The following SLC24A2 variants were observed in gnomAD, a reference collection of about 807,000 sequenced individuals.
SLC24A2 encodes sodium/potassium/calcium exchanger 2.
A neutral mutation model predicts 62.0 loss-of-function variants in SLC24A2; 36 were observed. The ratio of observed to expected loss-of-function variants is 0.58; its 90% CI spans 0.44 to 0.77. The LOEUF (loss-of-function observed/expected upper bound fraction) is 0.77, where lower values mean the gene tolerates loss of function less well. Among genes scored for constraint, SLC24A2 ranks in the 30% least tolerant of loss-of-function variants. The pLI, the probability that SLC24A2 is intolerant of heterozygous loss-of-function variation, is 0.00. For synonymous variants in SLC24A2, 358 were observed against 294.0 expected (o/e 1.22, Z -2.23); for missense variants, 846 against 817.9 (o/e 1.03, Z -0.42).
chr9:20,267,273 C>A, the SLC24A2 span, among the ~76,000 whole-genome samples: 1 of 152,088 alleles, frequency 6.6e-6, no homozygotes, highest in Non-Finnish European at 1.5e-5. Flanking sequence ...TTCACAATAA[C>A]CATCACCATC....
rs963370508 is a variant in SLC24A2, at chr9:19,510,549, C to G, written c.*5604G>C. On this transcript the variant is annotated 3_prime_UTR_variant, in exon 11 of 11. Coordinates refer to ENST00000341998, the MANE Select transcript of SLC24A2 (RefSeq NM_020344.4). ...TTGTTAATCATTGAGCTGGGTCACACCAGCATCTATGCTGGGATCTCCCCC... is the reference window on the plus strand; with the variant it reads ...TTGTTAATCATTGAGCTGGGTCACAGCAGCATCTATGCTGGGATCTCCCCC... The G allele has an allele frequency of 6.6e-6, 1 of 151,978 alleles. No homozygotes were observed. The highest frequency in any genetic ancestry group is 6.6e-5 in the Admixed American group (1 of 15,256). 9.4% of individuals were successfully genotyped at this position (151,978 alleles called of 1,614,324 possible).
intron 2 of SLC24A2, among the ~76,000 whole-genome samples, chr9:19,644,276 T>C (rs916170792): frequency 6.6e-6 from 1 of 152,224 alleles, no homozygotes; most frequent in African/African-American, 2.4e-5. Flanking sequence ...GACAGTCCAA[T>C]TCATGTGAAT....
chr9:19,593,714 C>T (rs946083114), intron 5 of SLC24A2, among the ~76,000 whole-genome samples: 4 of 152,064 alleles, frequency 2.6e-5, no homozygotes, highest in Non-Finnish European at 1.5e-5. Flanking sequence ...CTGTTCCACT[C>T]CCCATCTTGT....
At chr9:20,202,093 G>GTGTGTT in the SLC24A2 span, among the ~76,000 whole-genome samples, 1 of 146,380 alleles carries the variant, frequency 6.8e-6, no homozygotes, top group East Asian at 2.0e-4. Flanking sequence ...GTGTGTGTGT[G>GTGTGTT]TTCACACTCT....
the SLC24A2 span, among the ~76,000 whole-genome samples, chr9:19,890,634 C>CTACATT: frequency 6.6e-6 from 1 of 152,084 alleles, no homozygotes; most frequent in East Asian, 1.9e-4. Context: ...ATCTTGATAC[C>CTACATT]TACATTCTTG....
intron 2 of SLC24A2, among the ~76,000 whole-genome samples, chr9:19,778,723 A>C (rs771791866): frequency 2.6e-5 from 4 of 152,220 alleles, no homozygotes; most frequent in Non-Finnish European, 5.9e-5. Context: ...GGAGGAATGT[A>C]CTTAAAACCC....
At chr9:19,801,625 A>G in the SLC24A2 span, among the ~76,000 whole-genome samples, 7 of 152,246 alleles carry the variant, frequency 4.6e-5, no homozygotes, top group Non-Finnish European at 1.0e-4. Context: ...GCTCTCAGGC[A>G]GTAGATGATT....
chr9:20,004,129 A>C, the SLC24A2 span, among the ~76,000 whole-genome samples: 1 of 152,226 alleles, frequency 6.6e-6, no homozygotes, highest in African/African-American at 2.4e-5. Context: ...GTATAGACAC[A>C]GACCCCTTCT....
intron 2 of SLC24A2, among the ~76,000 whole-genome samples, chr9:19,695,708 G>GA (rs1435274763): frequency 2.9e-4 from 30 of 104,526 alleles, no homozygotes; most frequent in Admixed American, 5.5e-4. Flanking sequence ...AAAAAACCTA[G>GA]AAAAAATCTA....
chr9:20,220,703 A>C, the SLC24A2 span, among the ~76,000 whole-genome samples: 1 of 152,074 alleles, frequency 6.6e-6, no homozygotes, highest in Non-Finnish European at 1.5e-5. Context: ...CTCATCTCCT[A>C]ACTTAGAACG....
the SLC24A2 span, among the ~76,000 whole-genome samples, chr9:19,997,768 G>C: frequency 6.6e-6 from 1 of 152,140 alleles, no homozygotes; most frequent in Non-Finnish European, 1.5e-5. Context: ...GACATGGTTG[G>C]ACTCAGGCAA....
chr9:20,010,658 A>T, the SLC24A2 span, among the ~76,000 whole-genome samples: 1 of 151,986 alleles, frequency 6.6e-6, no homozygotes, highest in South Asian at 2.1e-4. Context: ...TGTGCACAAC[A>T]TGCAGGTTTG....
intron 2 of SLC24A2, among the ~76,000 whole-genome samples, chr9:19,638,521 G>A (rs1477605501): frequency 1.3e-5 from 2 of 152,086 alleles, no homozygotes; most frequent in Non-Finnish European, 2.9e-5. Context: ...CTTGGTAATG[G>A]AACAGTTATT....
chr9:20,131,172 A>G, the SLC24A2 span, among the ~76,000 whole-genome samples: 1 of 152,176 alleles, frequency 6.6e-6, no homozygotes, highest in African/African-American at 2.4e-5. Flanking sequence ...CTGTGCACAC[A>G]AGGAGAGCAA....
At chr9:19,649,215 T>C (rs903353246) in intron 2 of SLC24A2, among the ~76,000 whole-genome samples, 1 of 152,082 alleles carries the variant, frequency 6.6e-6, no homozygotes, top group African/African-American at 2.4e-5. Flanking sequence ...ATAATCAGGG[T>C]ACACAAAACT....
At chr9:20,045,864 C>T in the SLC24A2 span, among the ~76,000 whole-genome samples, 24 of 152,096 alleles carry the variant, frequency 1.6e-4, no homozygotes, top group South Asian at 4.2e-4. Context: ...AAGGTGTGAG[C>T]GGTCAAGTGT....
chr9:19,740,743 G>A (rs1025472098), intron 2 of SLC24A2, among the ~76,000 whole-genome samples: 3 of 152,072 alleles, frequency 2.0e-5, no homozygotes, highest in Non-Finnish European at 4.4e-5. Context: ...AGGAGGTATG[G>A]GGGCTAAAGA....
chr9:19,778,375 G>A (rs1032918922), intron 2 of SLC24A2, among the ~76,000 whole-genome samples: 3 of 152,094 alleles, frequency 2.0e-5, no homozygotes, highest in Non-Finnish European at 4.4e-5. Context: ...CAAACATGAG[G>A]CCTGATAGCG....
At chr9:19,622,412 T>G in intron 2 of SLC24A2, 113 bp from the exon 3 acceptor site, 1 of 1,124,158 alleles carries the variant, frequency 8.9e-7, no homozygotes, top group Non-Finnish European at 1.3e-6. Context: ...TTTCATTCTT[T>G]CTGCTCCTGG....
Sources: allele counts gnomAD v4.1 joint callset (sites outside exome capture counted in the v4.1 genomes callset), GRCh38; gene constraint gnomAD v4.1.1; transcripts MANE v1.5; gene names NCBI Gene and HGNC (gene_info 2026-07-23, HGNC 2026-07-21).